The following ADAMTS19 variants were observed in gnomAD, a reference collection of about 807,000 sequenced individuals.
The protein encoded by ADAMTS19 is A disintegrin and metalloproteinase with thrombospondin motifs 19.
A neutral mutation model predicts 153.3 loss-of-function variants in ADAMTS19; 93 were observed. The observed-to-expected ratio is 0.61, with a 90% CI of 0.51 to 0.72. ADAMTS19 has a LOEUF of 0.72. Ranked by LOEUF, ADAMTS19 falls within the 30% of genes least tolerant of loss-of-function variation. ADAMTS19 has a pLI of 0.00. For synonymous variants in ADAMTS19, 600 were observed against 556.6 expected (o/e 1.08, Z -1.10); for missense variants, 1,482 against 1,552.1 (o/e 0.95, Z 0.76).
rs529444004 is a variant in ADAMTS19 at position 129,645,885 on chromosome 5, A to ATTTTTTTT, written c.1873-1866_1873-1859dup. Among the ~76,000 whole-genome samples the ATTTTTTTT allele has an allele frequency of 1.7e-3, 166 of 97,084 alleles. 10 individuals carry two copies. The highest frequency in any genetic ancestry group is 6.8e-3 in the African/African-American group (154 of 22,498). 63.7% of individuals were successfully genotyped at this position (97,084 alleles called of 152,430 possible). ...CACATGGTTTCTTTCTCCTTTTCCA[A>ATTTTTTTT]TTTTTTTTTTTTTTTTTTTTTGAGA... On this transcript the variant is annotated intron_variant, in intron 11 of 22. Transcript: ENST00000274487.
At chr5:129,553,353 T>A (rs1753199782) in intron 7 of ADAMTS19, among the ~76,000 whole-genome samples, 1 of 152,162 alleles carries the variant, frequency 6.6e-6, no homozygotes, top group African/African-American at 2.4e-5. Context: ...GAACTTCACA[T>A]CTTGCTAAAT....
At chr5:129,530,897 C>T (rs1051760474) in intron 6 of ADAMTS19, among the ~76,000 whole-genome samples, 13 of 150,774 alleles carry the variant, frequency 8.6e-5, no homozygotes, top group African/African-American at 3.2e-4. Context: ...TGAAATGGTA[C>T]AAAGAATATC....
chr5:129,690,086 C>T (rs1387601476), intron 18 of ADAMTS19, among the ~76,000 whole-genome samples: 1 of 152,136 alleles, frequency 6.6e-6, no homozygotes, highest in African/African-American at 2.4e-5. Context: ...TTATATTTCA[C>T]TCATTCATTC....
intron 16 of ADAMTS19, among the ~76,000 whole-genome samples, 193 bp downstream of exon 16, chr5:129,665,772 G>T (rs1754022950): frequency 6.6e-6 from 1 of 151,716 alleles, no homozygotes; most frequent in Non-Finnish European, 1.5e-5. Flanking sequence ...AAGCAATCTG[G>T]TTGTCTGTAT....
chr5:129,588,959 T>C (rs963633957), intron 7 of ADAMTS19, among the ~76,000 whole-genome samples: 4 of 151,850 alleles, frequency 2.6e-5, no homozygotes, highest in African/African-American at 9.7e-5. Context: ...AATGATTATT[T>C]TAAATTTTCT....
chr5:129,610,913 A>T (rs1445484855), intron 8 of ADAMTS19, among the ~76,000 whole-genome samples: 1 of 152,170 alleles, frequency 6.6e-6, no homozygotes, highest in Admixed American at 6.5e-5. Flanking sequence ...CCAACAGTGT[A>T]AAAGTGTTCC....
chr5:129,735,695 C>G (rs1269060566), intron 22 of ADAMTS19, among the ~76,000 whole-genome samples: 1 of 152,036 alleles, frequency 6.6e-6, no homozygotes, highest in African/African-American at 2.4e-5. Flanking sequence ...GAAATGCCTT[C>G]ATATATATAT....
At chr5:129,567,216 C>G (rs994805448) in intron 7 of ADAMTS19, among the ~76,000 whole-genome samples, 5 of 152,054 alleles carry the variant, frequency 3.3e-5, no homozygotes, top group African/African-American at 7.2e-5. Flanking sequence ...TAGCATGAAC[C>G]AAACTAGGTT....
chr5:129,708,301 G>T (rs527636138), intron 21 of ADAMTS19, among the ~76,000 whole-genome samples: 1 of 152,222 alleles, frequency 6.6e-6, no homozygotes, highest in South Asian at 2.1e-4. Context: ...GCCCTGGCTT[G>T]CATTAACTTA....
At position 129,528,535 on chromosome 5, in the gene ADAMTS19, G is replaced by A; in HGVS notation, c.1186G>A (p.Gly396Arg). ...LHETPPELYI[G>R]HHGEKMLESF... ...TCTTTTGCAGCCAGAACTATATATT[G>A]GGCATCATGGAGAAAAAATGCTAGA... Residue 396 changes from glycine to arginine, a missense_variant, in exon 6 of 23, where the codon GGG (glycine) becomes AGG (arginine). Physicochemically the swap from Gly to Arg is moderately radical, Grantham distance 125. Transcript: ENST00000274487. 1 of 1,600,934 alleles carries A rather than the reference G, an allele frequency of 6.2e-7. No individual in the cohort carries two copies. The highest frequency in any genetic ancestry group is 8.5e-7 in the Non-Finnish European group (1 of 1,174,562).
At chr5:129,507,465 T>C (rs895668453) in intron 2 of ADAMTS19, among the ~76,000 whole-genome samples, 4 of 152,012 alleles carry the variant, frequency 2.6e-5, no homozygotes. Flanking sequence ...TGTAATTACC[T>C]TAAAATTCAA....
chr5:129,737,221 T>C lies in ADAMTS19; in HGVS notation c.*3T>C. ...AAAAGCTGCAGCAGAAGAGTTGACC[T>C]CTAGCAGGCTGGCTGGATCACAGCT... is the stretch of plus-strand genomic sequence containing the variant. On this transcript the variant is annotated 3_prime_UTR_variant, in exon 23 of 23. Transcript: ENST00000274487. 6.3e-7 allele frequency: 1 copy of C among 1,591,764 alleles called. No individual in the cohort carries two copies. The highest frequency in any genetic ancestry group is 1.7e-5 in the Admixed American group (1 of 58,592).
At chr5:129,560,595 T>C (rs1052256010) in intron 7 of ADAMTS19, among the ~76,000 whole-genome samples, 1 of 152,228 alleles carries the variant, frequency 6.6e-6, no homozygotes, top group African/African-American at 2.4e-5. Flanking sequence ...GCTATGCATT[T>C]AAGATGATTT....
At chr5:129,604,616 T>C (rs1484939471) in intron 8 of ADAMTS19, among the ~76,000 whole-genome samples, 1 of 152,216 alleles carries the variant, frequency 6.6e-6, no homozygotes, top group African/African-American at 2.4e-5. Context: ...GCTCTTGATA[T>C]ATATCAAATA....
intron 19 of ADAMTS19, among the ~76,000 whole-genome samples, chr5:129,698,578 A>C (rs764758045): frequency 3.0e-4 from 46 of 152,216 alleles, no homozygotes; most frequent in Non-Finnish European, 5.7e-4. Flanking sequence ...TTTATATTTT[A>C]GTTCTTATTT....
intron 8 of ADAMTS19, among the ~76,000 whole-genome samples, chr5:129,597,681 C>T (rs1169465083): frequency 1.3e-5 from 2 of 151,858 alleles, no homozygotes; most frequent in South Asian, 2.1e-4. Flanking sequence ...CCGAGGTGGG[C>T]GGATCACGAG....
chr5:129,544,675 G>A (rs1752791218), intron 6 of ADAMTS19, among the ~76,000 whole-genome samples: 1 of 152,164 alleles, frequency 6.6e-6, no homozygotes, highest in South Asian at 2.1e-4. Context: ...TTCCCTGAGG[G>A]AGTTTTTTGA....
Position 129,654,376 on chromosome 5 carries a change from G to A in ADAMTS19, c.2247G>A (p.Met749Ile). ...CTATTCTTCTATCAGAAAAAGTGAT[G>A]GATGGAACTTCTTGTGGCTATCAGG... ...EQPILLSEKV[M>I]DGTSCGYQGL... The change falls in exon 14 of 23, where the codon ATG becomes ATA. Residue 749 changes from methionine (M) to isoleucine (I), a missense_variant. Met to Ile is a conservative substitution (Grantham distance 10). Coordinates refer to ENST00000274487, the MANE Select transcript of ADAMTS19 (RefSeq NM_133638.6). 1 of 1,613,222 alleles carries A rather than the reference G, an allele frequency of 6.2e-7. No homozygotes were observed. Among genetic ancestry groups the A allele is most frequent in the Non-Finnish European group, 8.5e-7 (1 of 1,179,726 alleles).
intron 4 of ADAMTS19, 95 bp downstream of exon 4, chr5:129,526,551 C>G: frequency 8.4e-7 from 1 of 1,193,376 alleles, no homozygotes. Context: ...AAAATTAACT[C>G]ATTACTATTC....
Sources: gnomAD v4.1 joint callset for allele counts (sites outside exome capture counted in the v4.1 genomes callset) on GRCh38, gnomAD v4.1.1 for gene constraint, MANE v1.5 for transcripts, NCBI Gene and HGNC (gene_info 2026-07-23, HGNC 2026-07-21) for gene names.